The following VBP1 variants were observed in gnomAD, a reference collection of about 807,000 sequenced individuals.
The protein encoded by VBP1 is prefoldin subunit 3.
Under a neutral mutation model 15.5 loss-of-function variants are expected in VBP1, and 4 were observed. That is an observed-to-expected ratio of 0.26 (90% CI 0.13 to 0.59). VBP1 has a LOEUF of 0.59. Among genes scored for constraint, VBP1 ranks in the 20% least tolerant of loss-of-function variants. The probability of loss-of-function intolerance (pLI) is 0.90; values close to 1 mark genes in which losing one functional copy is unlikely to be tolerated. For missense variants in VBP1, 108 were observed against 139.6 expected (o/e 0.77, Z 1.14); for synonymous variants, 61 against 52.1 (o/e 1.17, Z -0.74).
At chrX:155,216,270 T>C, upstream of VBP1, 1 of 801,247 alleles carries the variant, frequency 1.2e-6, no homozygotes, top group African/African-American at 2.1e-5. Flanking sequence ...TCGCGGCCCT[T>C]CCACGCTTGT....
intron 1 of VBP1, among the ~76,000 whole-genome samples, chrX:155,197,445 C>T (rs1321395448): frequency 2.7e-5 from 3 of 112,036 alleles, no homozygotes; most frequent in South Asian, 3.6e-4. Context: ...CAATGTTAAA[C>T]ATATAGCAGA....
At chrX:155,219,696 A>G (rs782118514) in intron 1 of VBP1, among the ~76,000 whole-genome samples, 12 of 111,920 alleles carry the variant, frequency 1.1e-4, no homozygotes, top group African/African-American at 3.6e-4. Context: ...GTGGTGGGCA[A>G]GGTCATTCTT....
chrX:155,198,296 C>T (rs1192163101), intron 1 of VBP1, among the ~76,000 whole-genome samples: 2 of 112,401 alleles, frequency 1.8e-5, no homozygotes, highest in African/African-American at 3.2e-5. Flanking sequence ...TGAGAACAGG[C>T]AGACTGCCTC....
upstream of VBP1, among the ~76,000 whole-genome samples, chrX:155,216,082 T>A (rs2074661389): frequency 9.1e-6 from 1 of 109,679 alleles, no homozygotes; most frequent in African/African-American, 3.3e-5. Flanking sequence ...CCAGGTTCGC[T>A]AGCATCCGAG....
intron 1 of VBP1, among the ~76,000 whole-genome samples, chrX:155,205,865 C>A (rs1557308005): frequency 8.9e-6 from 1 of 111,882 alleles, no homozygotes; most frequent in Admixed American, 9.5e-5. Flanking sequence ...CTCCCCGGTT[C>A]ACTTTTCAAC....
intron 2 of VBP1, among the ~76,000 whole-genome samples, chrX:155,224,798 G>C (rs917174919): frequency 1.8e-5 from 2 of 111,366 alleles, no homozygotes; most frequent in Non-Finnish European, 3.8e-5. Context: ...TTTTTCTATC[G>C]TCTGTTAATT....
At chrX:155,206,768 ACT>A (rs1557308087) in intron 1 of VBP1, among the ~76,000 whole-genome samples, 1 of 108,544 alleles carries the variant, frequency 9.2e-6, no homozygotes, top group Non-Finnish European at 1.9e-5. Flanking sequence ...AGGAGGAAAC[ACT>A]CTCCCTTCCT....
intron 4 of VBP1, among the ~76,000 whole-genome samples, chrX:155,234,564 T>G (rs1368089157): frequency 8.9e-6 from 1 of 112,094 alleles, no homozygotes; most frequent in Non-Finnish European, 1.9e-5. Flanking sequence ...TTTGCATATG[T>G]TCTTCCTGTC....
chrX:155,207,689 T>C (rs2074630719), intron 1 of VBP1, among the ~76,000 whole-genome samples: 1 of 111,115 alleles, frequency 9.0e-6, no homozygotes, highest in Non-Finnish European at 1.9e-5. Context: ...TCACTTCTCA[T>C]CCATTCTATA....
chrX:155,208,596 T>C (rs1391654738), intron 1 of VBP1, among the ~76,000 whole-genome samples: 1 of 112,061 alleles, frequency 8.9e-6, no homozygotes, highest in African/African-American at 3.2e-5. Context: ...TTTGTAGGCC[T>C]TACTTTGTGG....
intron 1 of VBP1, among the ~76,000 whole-genome samples, 167 bp downstream of exon 1, chrX:155,216,742 T>G (rs2074666546): frequency 9.0e-6 from 1 of 111,472 alleles, no homozygotes; most frequent in Admixed American, 9.4e-5. Context: ...TGAGCTCTGC[T>G]GGGGGCCCGC....
At chrX:155,217,448 A>C (rs1196717710) in intron 1 of VBP1, among the ~76,000 whole-genome samples, 2 of 112,681 alleles carry the variant, frequency 1.8e-5, no homozygotes, top group Admixed American at 1.9e-4. Flanking sequence ...GTCTGTCCCC[A>C]CTTAGCTACT....
chrX:155,227,002 T>C (rs1557310318), intron 2 of VBP1: 1 of 125,864 alleles, frequency 7.9e-6, no homozygotes, highest in South Asian at 3.5e-4. Flanking sequence ...ACTTTAAATA[T>C]TTTATGAATA....
At chrX:155,225,477 G>T (rs782591609) in intron 2 of VBP1, among the ~76,000 whole-genome samples, 1 of 112,304 alleles carries the variant, frequency 8.9e-6, no homozygotes, top group East Asian at 2.8e-4. Context: ...TGGGATTACA[G>T]GCGTGAATCA....
intron 2 of VBP1, among the ~76,000 whole-genome samples, chrX:155,221,109 T>C (rs868954364): frequency 1.8e-5 from 2 of 111,127 alleles, no homozygotes; most frequent in South Asian, 3.8e-4. Flanking sequence ...GGTGGGCAGA[T>C]TGCCTGAGCT....
At chrX:155,231,300 G>T (rs934840780) in intron 4 of VBP1, among the ~76,000 whole-genome samples, 2 of 111,901 alleles carry the variant, frequency 1.8e-5, no homozygotes, top group Admixed American at 1.9e-4. Context: ...GAACCTGCCA[G>T]TGTGGCCCCA....
upstream of VBP1, chrX:155,216,349 T>C (rs1164936754): frequency 7.2e-6 from 8 of 1,104,047 alleles, no homozygotes; most frequent in African/African-American, 1.1e-4. Context: ...GAACGGGGAC[T>C]TGTGGGGGAC....
chrX:155,206,872 TA>T (rs782644450), intron 1 of VBP1, among the ~76,000 whole-genome samples: 41 of 111,445 alleles, frequency 3.7e-4, no homozygotes, highest in African/African-American at 1.2e-3. Flanking sequence ...TCCTCTATAA[TA>T]ATATACTGTA....
intron 1 of VBP1, among the ~76,000 whole-genome samples, chrX:155,197,576 G>A (rs1318492869): frequency 1.8e-5 from 2 of 111,999 alleles, no homozygotes; most frequent in Non-Finnish European, 3.8e-5. Flanking sequence ...AAGAAAAAAC[G>A]CTCTTTTTTA....
Sources: allele counts gnomAD v4.1 joint callset (sites outside exome capture counted in the v4.1 genomes callset), GRCh38; gene constraint gnomAD v4.1.1; transcripts MANE v1.5; gene names NCBI Gene and HGNC (gene_info 2026-07-23, HGNC 2026-07-21).